MTCL1: variants seen among roughly 807,000 people sequenced by gnomAD.
MTCL1 encodes microtubule cross-linking factor 1.
A neutral mutation model predicts 141.4 loss-of-function variants in MTCL1; 79 were observed. The observed-to-expected ratio is 0.56, with a 90% confidence interval of 0.47 to 0.67. The LOEUF (loss-of-function observed/expected upper bound fraction) is 0.67. Among genes scored for constraint, MTCL1 ranks in the 30% least tolerant of loss-of-function variants. MTCL1 has a pLI of 0.00. For missense variants in MTCL1, 2,177 were observed against 2,113.9 expected (o/e 1.03, Z -0.59); for synonymous variants, 914 against 875.8 (o/e 1.04, Z -0.77).
In MTCL1 at chr18:8,830,294, C is replaced by G. The variant is rs1353712507; in HGVS notation, c.*19-1313C>G. 4 of 985,370 alleles carry G rather than the reference C, an allele frequency of 4.1e-6. No homozygotes were observed. The Admixed American group carries it at 2.5e-4, about 61-fold the overall frequency. 61.0% of individuals were successfully genotyped at this position (985,370 alleles called of 1,614,324 possible). A position where few individuals can be genotyped will look rare whatever the true frequency, so the allele number is the denominator to read the frequency against. ...TAATGCTTTGGGAACAGAAGCTTCT[C>G]CCTGTGGCCGTATGAAGTTCCAGCC... On this transcript the variant is annotated intron_variant, in intron 16 of 16. Coordinates refer to ENST00000359865, the Ensembl canonical transcript of MTCL1. The surrounding 1 kb of genome is among the most constrained non-coding windows in gnomAD (Gnocchi z 6.4).
chr18:8,824,647 G>T (rs1467006143), intron 14 of MTCL1, 52 bp from the exon 14 acceptor site: 11 of 1,489,188 alleles, frequency 7.4e-6, no homozygotes, highest in Admixed American at 1.9e-5. Flanking sequence ...GTGTTGTGGT[G>T]TGTCAGAGGC....
rs560279515 is a variant in MTCL1, at chr18:8,744,940, G to A, written c.357+24444G>A. ...TTTGGGAGGGGGTGGCCCTGAGCAG[G>A]GCAGCCAGCCCCCCTGAGCTGTCCG... On this transcript the variant is annotated intron_variant, in intron 4 of 16. Transcript: ENST00000359865. Among the ~76,000 whole-genome samples, 9 of 152,334 alleles carry A rather than the reference G, an allele frequency of 5.9e-5. No individual in the cohort carries two copies. In the South Asian group the frequency reaches 1.9e-3, roughly 32 times the overall value.
intron 4 of MTCL1, among the ~76,000 whole-genome samples, chr18:8,748,482 A>G (rs2096353018): frequency 6.6e-6 from 1 of 152,106 alleles, no homozygotes; most frequent in South Asian, 2.1e-4. Flanking sequence ...GATCAAGGCT[A>G]CAGTAAATGA....
chr18:8,784,023 A>G, exon 6 of MTCL1: 3 of 1,613,610 alleles, frequency 1.9e-6, no homozygotes, highest in Non-Finnish European at 2.5e-6. Flanking sequence ...CAACTGACCC[A>G]CGAGCTCAGC....
At chr18:8,831,196 G>A (rs1419408599) in intron 16 of MTCL1, 5 of 1,007,132 alleles carry the variant, frequency 5.0e-6, no homozygotes, top group Non-Finnish European at 3.6e-6. Flanking sequence ...TGTAGGACCA[G>A]TTCACTTGTC....
At chr18:8,791,310 A>T (rs2075718137) in intron 7 of MTCL1, among the ~76,000 whole-genome samples, 1 of 152,068 alleles carries the variant, frequency 6.6e-6, no homozygotes, top group Admixed American at 6.5e-5. Flanking sequence ...GCCTCACCCA[A>T]GGTCAGGCTT....
intron 4 of MTCL1, among the ~76,000 whole-genome samples, chr18:8,776,335 A>G (rs1198239814): frequency 1.3e-5 from 2 of 152,108 alleles, no homozygotes; most frequent in Non-Finnish European, 2.9e-5. Flanking sequence ...ATCCCTTCAT[A>G]TTCCTCTAGG....
intron 4 of MTCL1, among the ~76,000 whole-genome samples, chr18:8,725,567 C>G (rs139463143): frequency 1.3e-5 from 2 of 152,184 alleles, no homozygotes; most frequent in Admixed American, 6.5e-5. Context: ...ATTTTCCATT[C>G]AGCTAAAAAA....
chr18:8,828,782 C>A lies in MTCL1; in HGVS notation c.4723-126C>A. The A allele has an allele frequency of 1.3e-6, 2 of 1,490,848 alleles. No individual in the cohort carries two copies. Among genetic ancestry groups the A allele is most frequent in the Non-Finnish European group, 1.8e-6 (2 of 1,108,148 alleles). 92.4% of individuals were successfully genotyped at this position (1,490,848 alleles called of 1,614,324 possible). A position where few individuals can be genotyped will look rare whatever the true frequency, so the allele number is the denominator to read the frequency against. On this transcript the variant is annotated intron_variant, in intron 15 of 16. Coordinates refer to ENST00000359865, the Ensembl canonical transcript of MTCL1. This position sits in a 1 kb window ranked among gnomAD's most constrained non-coding sequence, Gnocchi z 5.2. ...CCCGCAAGTCTCTCCTGGTGGCTACCCCTGAGCGAGAGGGATGGTCCTCTA... is the reference window on the plus strand; with the variant it reads ...CCCGCAAGTCTCTCCTGGTGGCTACACCTGAGCGAGAGGGATGGTCCTCTA...
At chr18:8,809,794 C>G in intron 11 of MTCL1, 1 of 608,488 alleles carries the variant, frequency 1.6e-6, no homozygotes, top group Non-Finnish European at 2.8e-6. Flanking sequence ...GGAAAGGGGA[C>G]AGGTTGGATT....
intron 16 of MTCL1, chr18:8,831,198 T>C: frequency 9.9e-7 from 1 of 1,008,680 alleles, no homozygotes; most frequent in Non-Finnish European, 1.2e-6. Context: ...TAGGACCAGT[T>C]CACTTGTCCA....
At chr18:8,762,234 C>T (rs772652386) in intron 4 of MTCL1, among the ~76,000 whole-genome samples, 1 of 152,196 alleles carries the variant, frequency 6.6e-6, no homozygotes, top group Non-Finnish European at 1.5e-5. Context: ...GTTTCAAGGA[C>T]ACCTCGCCGA....
rs747697832 is a variant in MTCL1 at position 8,824,696 on chromosome 18, C to T, written c.3189-3C>T. ...CTGACACCCTCTTTTCTGCTTTTCC[C>T]AGGGCGGTGTCCGTGTCCTCCATGT... On this transcript the variant is annotated splice_region_variant and splice_polypyrimidine_tract_variant and intron_variant, in intron 14 of 16. Transcript: ENST00000359865. 1 of 1,605,332 alleles carries T rather than the reference C, an allele frequency of 6.2e-7. No homozygotes were observed. The highest frequency in any genetic ancestry group is 2.2e-5 in the East Asian group (1 of 44,812).
At chr18:8,732,105 A>G (rs896843647) in intron 4 of MTCL1, among the ~76,000 whole-genome samples, 1 of 151,808 alleles carries the variant, frequency 6.6e-6, no homozygotes, top group African/African-American at 2.4e-5. Context: ...TATTCTTTTA[A>G]TCTTCATTTT....
intron 15 of MTCL1, among the ~76,000 whole-genome samples, chr18:8,827,370 CAG>C (rs1162171028): frequency 6.6e-6 from 1 of 152,242 alleles, no homozygotes; most frequent in East Asian, 1.9e-4. Context: ...ACTCAGAATG[CAG>C]GCTTGAAATC....
At chr18:8,712,051 A>G (rs1012991260) in intron 1 of MTCL1, among the ~76,000 whole-genome samples, 1 of 152,296 alleles carries the variant, frequency 6.6e-6, no homozygotes, top group East Asian at 1.9e-4. Flanking sequence ...TATTTTGAAA[A>G]TGCTTTTAGC....
At chr18:8,762,381 G>A (rs754802108) in intron 4 of MTCL1, among the ~76,000 whole-genome samples, 12 of 152,220 alleles carry the variant, frequency 7.9e-5, no homozygotes, top group African/African-American at 2.4e-4. Context: ...TGCAGTGTGC[G>A]CTGGGACATT....
At chr18:8,771,228 A>T (rs957802420) in intron 4 of MTCL1, among the ~76,000 whole-genome samples, 6 of 152,100 alleles carry the variant, frequency 3.9e-5, no homozygotes, top group African/African-American at 1.4e-4. Context: ...GCCTCAAATG[A>T]TCCCCCTACC....
chr18:8,718,854 T>C (rs2096148426), intron 3 of MTCL1, among the ~76,000 whole-genome samples: 1 of 152,166 alleles, frequency 6.6e-6, no homozygotes, highest in Non-Finnish European at 1.5e-5. Flanking sequence ...ATATGAACTT[T>C]AAAAAAATGA....
Sources: allele counts gnomAD v4.1 joint callset (sites outside exome capture counted in the v4.1 genomes callset), GRCh38; gene constraint gnomAD v4.1.1; non-coding constraint Gnocchi (gnomAD v3.1); transcripts MANE v1.5; gene names NCBI Gene and HGNC (gene_info 2026-07-23, HGNC 2026-07-21).